Variants in NLK observed in about 807,000 individuals in gnomAD.
The protein encoded by NLK is serine/threonine-protein kinase NLK.
In NLK, 11 loss-of-function variants were observed where a neutral mutation model predicts 59.0. That is an observed-to-expected ratio of 0.19 (90% confidence interval 0.12 to 0.31). The LOEUF is 0.31. Ranked by LOEUF, NLK falls within the 10% of genes least tolerant of loss-of-function variation. The pLI, the probability that NLK is intolerant of heterozygous loss-of-function variation, is 1.00. For synonymous variants in NLK, 235 were observed against 235.9 expected (o/e 1.00, Z 0.03); for missense variants, 410 against 661.1 (o/e 0.62, Z 4.16).
At chr17:28,100,618 T>C (rs1015109569) in intron 1 of NLK, among the ~76,000 whole-genome samples, 2 of 152,214 alleles carry the variant, frequency 1.3e-5, no homozygotes, top group Admixed American at 1.3e-4. Flanking sequence ...CCCTTTGTCA[T>C]GTAGGTGTTT....
At chr17:28,133,098 G>C (rs576758404) in intron 3 of NLK, among the ~76,000 whole-genome samples, 5 of 152,284 alleles carry the variant, frequency 3.3e-5, no homozygotes, top group South Asian at 2.1e-4. Flanking sequence ...ATTAATGTAA[G>C]TTAAGTTGTC....
intron 3 of NLK, among the ~76,000 whole-genome samples, chr17:28,135,260 G>A (rs1906694967): frequency 1.3e-5 from 2 of 152,206 alleles, no homozygotes; most frequent in African/African-American, 4.8e-5. Context: ...CAGGCTCAGT[G>A]ATTCGCTAGA....
chr17:28,196,399 A>G (rs1275484455), downstream of NLK: 1 of 152,570 alleles, frequency 6.6e-6, no homozygotes, highest in African/African-American at 2.4e-5. Context: ...CATCTGTTTT[A>G]TTTCAGTTTC....
chr17:28,092,495 A>T (rs1399123870), intron 1 of NLK, among the ~76,000 whole-genome samples: 1 of 151,968 alleles, frequency 6.6e-6, no homozygotes, highest in Admixed American at 6.6e-5. Context: ...TTGTGAGGGA[A>T]TTTTTTTGTT....
At chr17:28,149,915 A>G (rs1402287131) in intron 3 of NLK, among the ~76,000 whole-genome samples, 1 of 152,210 alleles carries the variant, frequency 6.6e-6, no homozygotes, top group Non-Finnish European at 1.5e-5. Context: ...GGGAAGGAAT[A>G]CTACATTATG....
chr17:28,060,764 G>A (rs993157667), intron 1 of NLK, among the ~76,000 whole-genome samples: 2 of 152,186 alleles, frequency 1.3e-5, no homozygotes, highest in African/African-American at 4.8e-5. Flanking sequence ...AATCCTAGTT[G>A]TTGCAGATGT....
intron 3 of NLK, among the ~76,000 whole-genome samples, chr17:28,154,046 A>C (rs1188018732): frequency 6.6e-6 from 1 of 152,176 alleles, no homozygotes; most frequent in African/African-American, 2.4e-5. Context: ...AACACAGTGG[A>C]TAGAACATAA....
intron 7 of NLK, among the ~76,000 whole-genome samples, chr17:28,183,191 A>G (rs79470959): frequency 3.3e-5 from 5 of 152,182 alleles, no homozygotes; most frequent in African/African-American, 1.2e-4. Flanking sequence ...GAAAAAGAAG[A>G]AGCAGCAGCA....
At chr17:28,204,991 T>A in the NLK span, among the ~76,000 whole-genome samples, 2 of 152,204 alleles carry the variant, frequency 1.3e-5, no homozygotes, top group Admixed American at 1.3e-4. Context: ...CTTCAGACTT[T>A]CTAAGAATGA....
At chr17:28,114,907 A>G (rs1206411179) in intron 1 of NLK, among the ~76,000 whole-genome samples, 1 of 152,252 alleles carries the variant, frequency 6.6e-6, no homozygotes, top group Non-Finnish European at 1.5e-5. Context: ...AAAGTTGTCA[A>G]GTAGATAACT....
At chr17:28,058,101 A>G (rs1323643799) in intron 1 of NLK, among the ~76,000 whole-genome samples, 1 of 152,220 alleles carries the variant, frequency 6.6e-6, no homozygotes, top group Admixed American at 6.5e-5. Context: ...ATTTCACTAC[A>G]TAGTTTCGTA....
downstream of NLK, among the ~76,000 whole-genome samples, chr17:28,197,055 ATACT>A (rs1232079760): frequency 2.0e-5 from 3 of 152,238 alleles, no homozygotes; most frequent in African/African-American, 2.4e-5. Flanking sequence ...AAAATTTTGA[ATACT>A]TACTAAGTAT....
chr17:28,101,323 G>A (rs1302703333), intron 1 of NLK, among the ~76,000 whole-genome samples: 1 of 152,118 alleles, frequency 6.6e-6, no homozygotes, highest in African/African-American at 2.4e-5. Context: ...GCAGGATTTT[G>A]ATTGGAATTG....
intron 1 of NLK, among the ~76,000 whole-genome samples, chr17:28,092,210 G>A (rs1904518813): frequency 6.9e-6 from 1 of 144,742 alleles, no homozygotes; most frequent in South Asian, 2.4e-4. Context: ...TAATCTTAAT[G>A]CATTAAGACT....
At chr17:28,072,569 T>C (rs1402081408) in intron 1 of NLK, among the ~76,000 whole-genome samples, 1 of 152,088 alleles carries the variant, frequency 6.6e-6, no homozygotes. Flanking sequence ...ATGAGTGCGC[T>C]GATCTTTTTA....
intron 2 of NLK, among the ~76,000 whole-genome samples, chr17:28,123,204 C>T (rs542011118): frequency 8.3e-4 from 126 of 152,276 alleles, no homozygotes; most frequent in Non-Finnish European, 1.6e-3. Flanking sequence ...TATTGAGTTT[C>T]GCATTGGCTT....
chr17:28,111,895 TG>T (rs530087512), intron 1 of NLK, among the ~76,000 whole-genome samples: 10,895 of 61,696 alleles, frequency 0.18, 358 homozygotes, highest in Non-Finnish European at 0.22. Context: ...TGTGTGTGTG[TG>T]GTGTGTGTGT....
At chr17:28,074,993 A>G (rs1910121751) in intron 1 of NLK, among the ~76,000 whole-genome samples, 1 of 152,212 alleles carries the variant, frequency 6.6e-6, no homozygotes, top group South Asian at 2.1e-4. Flanking sequence ...AACATCTCCA[A>G]AATTAGGATG....
chr17:28,102,916 T>C (rs1187346102), intron 1 of NLK, among the ~76,000 whole-genome samples: 1 of 152,210 alleles, frequency 6.6e-6, no homozygotes, highest in East Asian at 1.9e-4. Context: ...GCTAGTTAGA[T>C]GCCCAGTAAA....
Sources: gnomAD v4.1 joint callset for allele counts (sites outside exome capture counted in the v4.1 genomes callset) on GRCh38, gnomAD v4.1.1 for gene constraint, MANE v1.5 for transcripts, NCBI Gene and HGNC (gene_info 2026-07-23, HGNC 2026-07-21) for gene names.